The following ZPLD1 variants were observed in gnomAD, a reference collection of about 807,000 sequenced individuals.
The protein encoded by ZPLD1 is zona pellucida-like domain-containing protein 1.
ZPLD1 carries 34 observed loss-of-function variants against 47.2 expected under a neutral mutation model. The observed-to-expected ratio is 0.72, with a 90% CI of 0.55 to 0.96. ZPLD1 has a LOEUF of 0.96. Among genes scored for constraint, ZPLD1 ranks in the 40% least tolerant of loss-of-function variants. ZPLD1 has a pLI of 0.00. For synonymous variants in ZPLD1, 176 were observed against 186.2 expected (o/e 0.95, Z 0.45); for missense variants, 512 against 505.8 (o/e 1.01, Z -0.12).
chr3:102,402,767 A>G (rs948093008), intron 7 of ZPLD1, among the ~76,000 whole-genome samples: 1 of 151,976 alleles, frequency 6.6e-6, no homozygotes, highest in African/African-American at 2.4e-5. Context: ...TGTTTCCTTC[A>G]GGTAGGGCTG....
intron 8 of ZPLD1, 91 bp downstream of exon 8, chr3:102,464,342 G>T: frequency 2.2e-6 from 2 of 911,024 alleles, no homozygotes; most frequent in Non-Finnish European, 1.7e-6. Context: ...AAATTATAAA[G>T]CACTATTATA....
At chr3:102,403,692 TG>T (rs1236188015) in intron 7 of ZPLD1, among the ~76,000 whole-genome samples, 1 of 152,028 alleles carries the variant, frequency 6.6e-6, no homozygotes, top group Non-Finnish European at 1.5e-5. Flanking sequence ...TAGTTTATCC[TG>T]ATGTGTCTTA....
intron 5 of ZPLD1, 51 bp downstream of exon 5, chr3:102,456,425 C>A: frequency 1.3e-6 from 2 of 1,508,860 alleles, no homozygotes; most frequent in Non-Finnish European, 9.1e-7. Context: ...TTGCTTCAGG[C>A]ATTTCGTATC....
chr3:102,471,606 C>G (rs2107356981), intron 10 of ZPLD1, among the ~76,000 whole-genome samples: 1 of 152,234 alleles, frequency 6.6e-6, no homozygotes, highest in South Asian at 2.1e-4. Flanking sequence ...AGATTTAAGT[C>G]AGTGTGAACC....
chr3:102,406,698 G>A lies in ZPLD1; in HGVS notation c.-156-11362G>A, dbSNP rs1384677384. ...TTAAAAATACCTGCTACATTCAGAAGTTCTTAAAAAATGAATGATTTTTAT... is the reference window on the plus strand; with the variant it reads ...TTAAAAATACCTGCTACATTCAGAAATTCTTAAAAAATGAATGATTTTTAT... On this transcript the variant is annotated intron_variant, in intron 7 of 17. Transcript: ENST00000491959. 4.0e-5 allele frequency among the ~76,000 whole-genome samples: 6 copies of A among 151,818 alleles called. No individual in the cohort carries two copies. In the East Asian group the frequency reaches 1.2e-3, roughly 30 times the overall value.
chr3:102,465,764 T>C (rs1251754221), intron 8 of ZPLD1, among the ~76,000 whole-genome samples: 1 of 152,180 alleles, frequency 6.6e-6, no homozygotes, highest in Non-Finnish European at 1.5e-5. Flanking sequence ...ATGTCCTTTT[T>C]TGTGAATCTA....
chr3:102,478,811 T>C lies in ZPLD1; in HGVS notation c.*1193T>C, dbSNP rs1040921856. The C allele has an allele frequency of 1.3e-5, 2 of 152,230 alleles. No individual in the cohort carries two copies. The highest frequency in any genetic ancestry group is 2.9e-5 in the Non-Finnish European group (2 of 68,050). The allele number at this position is 152,230 out of a possible 1,614,324, so 9.4% of individuals were successfully genotyped here. A position where few individuals can be genotyped will look rare whatever the true frequency, so the allele number is the denominator to read the frequency against. ...CAACATTCTCTTTGTTTAAGCTACC[T>C]ATGCACTGAACAAACAAAACAATTT... On this transcript the variant is annotated 3_prime_UTR_variant, in exon 12 of 12. Coordinates refer to ENST00000466937, the MANE Select transcript of ZPLD1 (RefSeq NM_001329788.2).
In ZPLD1 at chr3:102,453,009, C is replaced by A; in HGVS notation, c.197C>A (p.Thr66Lys). ...CTVLFSGYSETDLALNGRHGD... is the reference protein window; with the variant it reads ...CTVLFSGYSEKDLALNGRHGD... ...GTACTTTTCTCGGGTTATTCGGAAA[C>A]AGATCTGGCACTGAATGGAAGGCAT... The change falls in exon 4 of 12, where the codon ACA (threonine) becomes AAA (lysine). Residue 66 changes from threonine to lysine, a missense_variant. Thr to Lys is a moderately conservative substitution (Grantham distance 78). Transcript: ENST00000466937. The A allele has an allele frequency of 6.2e-7, 1 of 1,614,090 alleles. No individual in the cohort carries two copies. The highest frequency in any genetic ancestry group is 1.1e-5 in the South Asian group (1 of 91,084).
chr3:102,423,025 C>T (rs1323025233), intron 8 of ZPLD1, among the ~76,000 whole-genome samples: 1 of 152,118 alleles, frequency 6.6e-6, no homozygotes, highest in East Asian at 1.9e-4. Flanking sequence ...GAGAACAAGT[C>T]TGTCAGTGGG....
At chr3:102,425,528 C>A (rs1021917373) in intron 8 of ZPLD1, among the ~76,000 whole-genome samples, 2 of 152,110 alleles carry the variant, frequency 1.3e-5, no homozygotes, top group Non-Finnish European at 2.9e-5. Context: ...AGCAACTTTT[C>A]TTTTGACAGA....
rs1293124609 is a variant in ZPLD1 at position 102,470,513 on chromosome 3, T to G, written c.1042+11T>G. On this transcript the variant is annotated intron_variant, in intron 10 of 11. Transcript: ENST00000466937. ...TCATTACTCGGAGTGGTAAGTGTGC[T>G]CCTCCTTCTGTATGTAGTAATAGAC... is the stretch of plus-strand genomic sequence containing the variant. The G allele has an allele frequency of 1.2e-6, 2 of 1,609,700 alleles. No homozygotes were observed. Among genetic ancestry groups the G allele is most frequent in the African/African-American group, 2.7e-5 (2 of 74,804 alleles).
intron 7 of ZPLD1, among the ~76,000 whole-genome samples, chr3:102,407,501 T>C (rs1706704350): frequency 6.9e-6 from 1 of 144,126 alleles, no homozygotes. Context: ...TTTTAAAATT[T>C]ACAATCTATT....
At chr3:102,405,897 A>G (rs1158369519) in intron 7 of ZPLD1, among the ~76,000 whole-genome samples, 1 of 151,970 alleles carries the variant, frequency 6.6e-6, no homozygotes, top group Non-Finnish European at 1.5e-5. Context: ...CTCTTTGTTA[A>G]GTGAAAGAGT....
In ZPLD1 at chr3:102,478,494, G is replaced by A. The variant is rs181651485; in HGVS notation, c.*876G>A. The stretch of plus-strand genomic sequence containing the variant: ...TAGTTGTGAAAAGAGTTCCTAGAAG[G>A]GTTTTTAACAATTTAGATTCCCTTT... On this transcript the variant is annotated 3_prime_UTR_variant, in exon 12 of 12. Coordinates refer to ENST00000466937, the MANE Select transcript of ZPLD1 (RefSeq NM_001329788.2). 5.7e-5 allele frequency: 1 copy of A among 17,454 alleles called. No homozygotes were observed. Among genetic ancestry groups the A allele is most frequent in the African/African-American group, 8.4e-5 (1 of 11,932 alleles). 1.1% of individuals were successfully genotyped at this position (17,454 alleles called of 1,614,324 possible).
At chr3:102,426,159 T>TGCACACACACACAC (rs1706945204) in intron 8 of ZPLD1, among the ~76,000 whole-genome samples, 1 of 140,516 alleles carries the variant, frequency 7.1e-6, no homozygotes, top group Non-Finnish European at 1.6e-5. Flanking sequence ...CACACACACA[T>TGCACACACACACAC]GCACACACAC....
intron 10 of ZPLD1, among the ~76,000 whole-genome samples, chr3:102,474,964 G>A (rs1369533315): frequency 2.6e-5 from 4 of 151,928 alleles, no homozygotes; most frequent in African/African-American, 9.7e-5. Flanking sequence ...TCCCTTTCAA[G>A]GCTATACAGT....
At position 102,477,958 on chromosome 3, in the gene ZPLD1, A is replaced by G; in HGVS notation, c.*340A>G. On this transcript the variant is annotated 3_prime_UTR_variant, in exon 12 of 12. Coordinates refer to ENST00000466937, the MANE Select transcript of ZPLD1 (RefSeq NM_001329788.2). Reference sequence around the variant, plus strand: ...AAAGATAAAAGGTGGGAGTAGACAAAAAATGAAATGTGTTGCATTTCCCCC... The same window carrying G: ...AAAGATAAAAGGTGGGAGTAGACAAGAAATGAAATGTGTTGCATTTCCCCC... 1 of 170,686 alleles carries G rather than the reference A, an allele frequency of 5.9e-6. No individual in the cohort carries two copies. The highest frequency in any genetic ancestry group is 1.2e-5 in the Non-Finnish European group (1 of 80,512). The allele number at this position is 170,686 out of a possible 1,614,324, so 10.6% of individuals were successfully genotyped here.
At chr3:102,407,924 G>A (rs1436614640) in intron 7 of ZPLD1, among the ~76,000 whole-genome samples, 1 of 151,722 alleles carries the variant, frequency 6.6e-6, no homozygotes, top group Non-Finnish European at 1.5e-5. Flanking sequence ...AAATATACTG[G>A]GTTTGTATGA....
intron 10 of ZPLD1, among the ~76,000 whole-genome samples, chr3:102,471,847 T>G (rs930958020): frequency 6.6e-6 from 1 of 152,232 alleles, no homozygotes; most frequent in Non-Finnish European, 1.5e-5. Context: ...GTTTTAAGAT[T>G]TTTTCTAACA....
Sources: allele counts gnomAD v4.1 joint callset (sites outside exome capture counted in the v4.1 genomes callset), GRCh38; gene constraint gnomAD v4.1.1; transcripts MANE v1.5; gene names NCBI Gene and HGNC (gene_info 2026-07-23, HGNC 2026-07-21).